The following LINC00237 variants were observed in gnomAD, a reference collection of about 807,000 sequenced individuals.
LINC00237 encodes the protein long independently transcribed non-coding RNA 237.
At chr20:21,090,756 G>A (rs1434186216) in intron 2 of LINC00237, among the ~76,000 whole-genome samples, 2 of 152,086 alleles carry the variant, frequency 1.3e-5, no homozygotes, top group African/African-American at 4.8e-5. Context: ...TGCTCTCCAT[G>A]ACTGCTTATT....
rs2030936416 is a variant in LINC00237, at chr20:21,101,848, C to T, written n.88+4423G>A. Among the ~76,000 whole-genome samples the T allele has an allele frequency of 6.6e-6, 1 of 151,864 alleles. No homozygotes were observed. The highest frequency in any genetic ancestry group is 1.5e-5 in the Non-Finnish European group (1 of 67,962). On this transcript the variant is annotated intron_variant and non_coding_transcript_variant, in intron 1 of 3. Coordinates refer to ENST00000691244, the Ensembl canonical transcript of LINC00237. This position sits in a 1 kb window ranked among gnomAD's most constrained non-coding sequence, Gnocchi z 4.3. ...CAGCCCCCTAGCTGAGTGCAGGGGC[C>T]AGAGGCTGGCGGGGGCACGCGGGGG...
chr20:21,097,236 T>G (rs1414856094), intron 1 of LINC00237, among the ~76,000 whole-genome samples: 1 of 152,172 alleles, frequency 6.6e-6, no homozygotes, highest in Non-Finnish European at 1.5e-5. Flanking sequence ...CACAGCTCAT[T>G]TATACATTAA....
chr20:21,096,764 T>C (rs548492469), intron 1 of LINC00237, among the ~76,000 whole-genome samples: 1 of 152,318 alleles, frequency 6.6e-6, no homozygotes, highest in Admixed American at 6.5e-5. Flanking sequence ...CAAAGCAGAA[T>C]AAGCCGTTGG....
chr20:21,104,504 C>G (rs965573411), intron 1 of LINC00237, among the ~76,000 whole-genome samples: 1 of 152,258 alleles, frequency 6.6e-6, no homozygotes, highest in African/African-American at 2.4e-5. Context: ...GGCCTCCTCT[C>G]AGGGCCTTTG....
At chr20:21,097,660 G>A (rs1311024862) in intron 1 of LINC00237, among the ~76,000 whole-genome samples, 1 of 152,120 alleles carries the variant, frequency 6.6e-6, no homozygotes, top group Non-Finnish European at 1.5e-5. Flanking sequence ...TTGTGCAAGT[G>A]AACAAGAGTA....
intron 2 of LINC00237, among the ~76,000 whole-genome samples, chr20:21,089,447 C>T (rs758523776): frequency 2.0e-5 from 3 of 151,746 alleles, no homozygotes; most frequent in Non-Finnish European, 2.9e-5. Context: ...GGAAGGGAAA[C>T]GAGAAAAAAG....
intron 2 of LINC00237, among the ~76,000 whole-genome samples, chr20:21,092,496 G>A (rs1298088697): frequency 1.3e-5 from 2 of 152,246 alleles, no homozygotes; most frequent in Non-Finnish European, 2.9e-5. Flanking sequence ...GTAGAAGGGA[G>A]AGCCACATCC....
In LINC00237 at chr20:21,089,802, T is replaced by C. The variant is rs534133666; in HGVS notation, n.473-1772A>G. 21 of 152,312 alleles carry C rather than the reference T, an allele frequency of 1.4e-4. No homozygotes were observed. The South Asian group carries it at 3.7e-3, about 27-fold the overall frequency. 9.4% of individuals were successfully genotyped at this position (152,312 alleles called of 1,614,324 possible). A position where few individuals can be genotyped will look rare whatever the true frequency, so the allele number is the denominator to read the frequency against. On this transcript the variant is annotated intron_variant and non_coding_transcript_variant, in intron 2 of 3. Transcript: ENST00000691244. ...ATTAAATACTCGATAAAATAGCTTA[T>C]TTGAAAAGATTACAAGCGAAGGCGT...
At chr20:21,099,744 TAAG>T (rs2030906427) in intron 1 of LINC00237, among the ~76,000 whole-genome samples, 2 of 152,294 alleles carry the variant, frequency 1.3e-5, no homozygotes, top group African/African-American at 2.4e-5. Flanking sequence ...GTTTAAAAGA[TAAG>T]AAGACATTTG....
At chr20:21,106,288 C>T (rs1007626496) in exon 1 of LINC00237, 1 of 152,362 alleles carries the variant, frequency 6.6e-6, no homozygotes, top group African/African-American at 2.4e-5. Flanking sequence ...AGGCGCAGAC[C>T]CACCGCTCGC....
exon 4 of LINC00237, among the ~76,000 whole-genome samples, chr20:21,085,761 G>C (rs1353379958): frequency 6.6e-6 from 1 of 152,088 alleles, no homozygotes; most frequent in East Asian, 1.9e-4. Flanking sequence ...TCACTTTGTA[G>C]GATTCATCAA....
At chr20:21,086,840 TGTATA>T (rs1362722372) in intron 3 of LINC00237, among the ~76,000 whole-genome samples, 2 of 128,298 alleles carry the variant, frequency 1.6e-5, no homozygotes, top group African/African-American at 3.0e-5. Flanking sequence ...ATACTATATA[TGTATA>T]GTATACACTA....
At chr20:21,089,471 A>T (rs977273071) in intron 2 of LINC00237, among the ~76,000 whole-genome samples, 1 of 152,106 alleles carries the variant, frequency 6.6e-6, no homozygotes, top group African/African-American at 2.4e-5. Flanking sequence ...ACCGATGGTT[A>T]TTCATGAATC....
At chr20:21,091,079 G>A (rs2030786754) in intron 2 of LINC00237, among the ~76,000 whole-genome samples, 2 of 151,966 alleles carry the variant, frequency 1.3e-5, no homozygotes, top group Admixed American at 6.6e-5. Flanking sequence ...GTGTGTGTGT[G>A]TGTGTTACCT....
At chr20:21,105,180 T>C (rs1265894810) in intron 1 of LINC00237, among the ~76,000 whole-genome samples, 2 of 152,178 alleles carry the variant, frequency 1.3e-5, no homozygotes, top group Non-Finnish European at 2.9e-5. Context: ...ATTTCCCAGC[T>C]GAAAATCCAG....
At chr20:21,092,858 T>C (rs2030810747) in intron 2 of LINC00237, 1 of 152,218 alleles carries the variant, frequency 6.6e-6, no homozygotes, top group Non-Finnish European at 1.5e-5. Context: ...GGAAACTTTC[T>C]AGAAAGTTAG....
chr20:21,097,572 T>C (rs572668228), intron 1 of LINC00237, among the ~76,000 whole-genome samples: 2 of 152,370 alleles, frequency 1.3e-5, no homozygotes, highest in South Asian at 4.1e-4. Flanking sequence ...TATATTTTTT[T>C]ACATGTAGGT....
intron 1 of LINC00237, among the ~76,000 whole-genome samples, chr20:21,102,936 G>A (rs2030952532): frequency 6.6e-6 from 1 of 152,246 alleles, no homozygotes; most frequent in South Asian, 2.1e-4. Context: ...AAGCCCCAGT[G>A]CAGCTCGCTC....
intron 3 of LINC00237, among the ~76,000 whole-genome samples, chr20:21,087,446 G>C (rs1303477458): frequency 6.6e-6 from 1 of 151,932 alleles, no homozygotes; most frequent in Non-Finnish European, 1.5e-5. Flanking sequence ...CTATAAATTT[G>C]TGCAAATATC....
Sources: gnomAD v4.1 joint callset for allele counts (sites outside exome capture counted in the v4.1 genomes callset) on GRCh38, gnomAD v4.1.1 for gene constraint, Gnocchi (gnomAD v3.1) non-coding constraint, MANE v1.5 for transcripts, NCBI Gene and HGNC (gene_info 2026-07-23, HGNC 2026-07-21) for gene names.